The following GRM7 variants were observed in gnomAD, a reference collection of about 807,000 sequenced individuals.
GRM7 encodes the protein metabotropic glutamate receptor 7.
GRM7 carries 35 observed loss-of-function variants against 84.5 expected under a neutral mutation model. The observed-to-expected ratio is 0.41, with a 90% CI of 0.32 to 0.55. GRM7 has a LOEUF of 0.55. Among genes scored for constraint, GRM7 ranks in the 20% least tolerant of loss-of-function variants. The pLI, the probability that GRM7 is intolerant of heterozygous loss-of-function variation, is 0.19. For synonymous variants in GRM7, 487 were observed against 455.1 expected, an observed-to-expected ratio of 1.07 and a Z score of -0.89; for missense variants, 1,003 against 1,194.6, an observed-to-expected ratio of 0.84 and a Z score of 2.36.
intron 4 of GRM7, among the ~76,000 whole-genome samples, chr3:7,412,026 CCTCTCTCCTCTCTCT>C (rs1419695783): frequency 6.6e-6 from 1 of 150,910 alleles, no homozygotes; most frequent in African/African-American, 2.4e-5. Context: ...TTTGCTCTCT[CCTCTCTCCTCTCTCT>C]CTCTCTCCCT....
chr3:7,724,786 G>A (rs906594335), intron 9 of GRM7, among the ~76,000 whole-genome samples: 1 of 152,052 alleles, frequency 6.6e-6, no homozygotes, highest in Non-Finnish European at 1.5e-5. Context: ...TAGAGACAGG[G>A]TCTCACTCTG....
At position 7,151,312 on chromosome 3, in the gene GRM7, C is replaced by T. The variant is rs974376200; in HGVS notation, c.736+4644C>T. On this transcript the variant is annotated intron_variant, in intron 2 of 9. Coordinates refer to ENST00000357716, the MANE Select transcript of GRM7 (RefSeq NM_000844.4). The surrounding 1 kb of genome is among the most constrained non-coding windows in gnomAD (Gnocchi z 4.5). ...ATCCCAGCTACTGGCGAGGCTGAGG[C>T]GGGAGAACTGCTTGAACCCAGGAGG... Among the ~76,000 whole-genome samples the T allele has an allele frequency of 3.9e-5, 6 of 152,058 alleles. No individual in the cohort carries two copies. The highest frequency in any genetic ancestry group is 1.3e-4 in the Admixed American group (2 of 15,250).
chr3:7,276,060 C>T (rs1699039391), intron 2 of GRM7, among the ~76,000 whole-genome samples: 1 of 152,078 alleles, frequency 6.6e-6, no homozygotes, highest in African/African-American at 2.4e-5. Flanking sequence ...GTCCCATGAC[C>T]TTACTTCTTT....
intron 2 of GRM7, among the ~76,000 whole-genome samples, chr3:7,206,939 T>C (rs1696259670): frequency 6.6e-6 from 1 of 151,990 alleles, no homozygotes; most frequent in South Asian, 2.1e-4. Context: ...TTGTTGAAAA[T>C]ATGGACAAGA....
Position 6,861,675 on chromosome 3 carries a change from T to C in GRM7, c.287T>C (p.Leu96Pro). Residue 96 changes from leucine (L) to proline (P), a missense_variant, in exon 1 of 10, where the codon CTG (leucine) becomes CCG (proline). By Grantham distance (98) the Leu-to-Pro change is moderately conservative. Transcript: ENST00000357716. This position sits in a 1 kb window ranked among gnomAD's most constrained non-coding sequence, Gnocchi z 6.4. ...LDQINSDPNL[L>P]PNVTLGARIL... ...CAGATCAACAGTGATCCCAACCTAC[T>C]GCCCAACGTGACGCTGGGCGCGCGG... is the stretch of plus-strand genomic sequence containing the variant. 1 of 1,614,086 alleles carries C rather than the reference T, an allele frequency of 6.2e-7. No individual in the cohort carries two copies. The highest frequency in any genetic ancestry group is 8.5e-7 in the Non-Finnish European group (1 of 1,179,990).
intron 2 of GRM7, among the ~76,000 whole-genome samples, chr3:7,275,967 G>A (rs552310367): frequency 6.6e-6 from 1 of 152,106 alleles, no homozygotes; most frequent in Admixed American, 6.6e-5. Flanking sequence ...CCCTCAGAAG[G>A]TTTAGCTCAT....
chr3:7,084,177 G>A (rs547452817), intron 1 of GRM7, among the ~76,000 whole-genome samples: 6 of 152,190 alleles, frequency 3.9e-5, no homozygotes, highest in South Asian at 2.1e-4. Context: ...AGGGAGCGAG[G>A]GCTGAAAAGG....
At chr3:7,389,102 A>G (rs1453298329) in intron 4 of GRM7, among the ~76,000 whole-genome samples, 1 of 152,066 alleles carries the variant, frequency 6.6e-6, no homozygotes, top group Non-Finnish European at 1.5e-5. Context: ...GTCTTAAACA[A>G]TTTTTATCTC....
intron 1 of GRM7, among the ~76,000 whole-genome samples, chr3:6,962,654 T>A (rs1289672192): frequency 6.6e-6 from 1 of 152,132 alleles, no homozygotes; most frequent in Non-Finnish European, 1.5e-5. Context: ...GTTCAGTTAG[T>A]GTAAGTAGTT....
intron 2 of GRM7, among the ~76,000 whole-genome samples, chr3:7,146,925 G>A (rs1056407358): frequency 3.3e-5 from 5 of 152,080 alleles, no homozygotes; most frequent in African/African-American, 1.2e-4. Context: ...TCTTACTTCT[G>A]CCTAATGGGT....
chr3:7,686,025 G>C (rs1019148403), intron 9 of GRM7, among the ~76,000 whole-genome samples: 4 of 152,114 alleles, frequency 2.6e-5, no homozygotes, highest in Non-Finnish European at 4.4e-5. Flanking sequence ...AGCATGACTG[G>C]ACTAGGGTGA....
intron 1 of GRM7, among the ~76,000 whole-genome samples, chr3:7,012,525 A>G (rs1695409979): frequency 6.6e-6 from 1 of 152,154 alleles, no homozygotes; most frequent in African/African-American, 2.4e-5. Context: ...AAAAGGCAGA[A>G]GCAGGAAGGC....
chr3:7,321,507 T>TG (rs1261674685), intron 4 of GRM7, among the ~76,000 whole-genome samples: 1 of 152,120 alleles, frequency 6.6e-6, no homozygotes, highest in South Asian at 2.1e-4. Flanking sequence ...CTGCTGTGTG[T>TG]TTTTTTCCCT....
intron 1 of GRM7, among the ~76,000 whole-genome samples, chr3:6,877,810 CACACA>C (rs1695367737): frequency 2.1e-4 from 1 of 4,732 alleles, no homozygotes; most frequent in Non-Finnish European, 5.9e-4. Flanking sequence ...ACACAGATAT[CACACA>C]CACACACACA....
intron 5 of GRM7, among the ~76,000 whole-genome samples, chr3:7,433,554 T>C (rs886253973): frequency 4.6e-5 from 7 of 152,198 alleles, no homozygotes; most frequent in Non-Finnish European, 7.3e-5. Context: ...CGCCTTACTT[T>C]GTTTCAGTAT....
intron 2 of GRM7, among the ~76,000 whole-genome samples, chr3:7,283,438 C>G (rs1699322699): frequency 6.6e-6 from 1 of 151,816 alleles, no homozygotes; most frequent in Non-Finnish European, 1.5e-5. Context: ...ACTGCAAGTA[C>G]CAAAGTTCCG....
intron 7 of GRM7, among the ~76,000 whole-genome samples, chr3:7,573,248 G>A (rs1189907469): frequency 1.4e-5 from 2 of 144,086 alleles, no homozygotes; most frequent in Non-Finnish European, 3.1e-5. Flanking sequence ...ATGAACAAAT[G>A]GCATTTTAAT....
chr3:7,529,931 G>C (rs1302379222), intron 7 of GRM7, among the ~76,000 whole-genome samples: 3 of 140,256 alleles, frequency 2.1e-5, no homozygotes, highest in Non-Finnish European at 3.1e-5. Context: ...TTTTTTGTCA[G>C]TTCAACATTT....
chr3:7,539,047 T>C (rs1023962412), intron 7 of GRM7, among the ~76,000 whole-genome samples: 1 of 152,180 alleles, frequency 6.6e-6, no homozygotes, highest in East Asian at 1.9e-4. Flanking sequence ...TGGTTCCTCT[T>C]CATGGACCTC....
Sources: allele counts gnomAD v4.1 joint callset (sites outside exome capture counted in the v4.1 genomes callset), GRCh38; gene constraint gnomAD v4.1.1; non-coding constraint Gnocchi (gnomAD v3.1); transcripts MANE v1.5; gene names NCBI Gene and HGNC (gene_info 2026-07-23, HGNC 2026-07-21).